SPEF2: variants seen among roughly 807,000 people sequenced by gnomAD.
SPEF2 encodes the protein sperm flagellar and cilia associated 2, also known as sperm flagella and cilia-associated protein 2.
Under a neutral mutation model 224.6 loss-of-function variants are expected in SPEF2, and 187 were observed. That is an observed-to-expected ratio of 0.83 (90% CI 0.74 to 0.94). SPEF2 has a LOEUF of 0.94. Ranked by LOEUF, SPEF2 falls within the 40% of genes least tolerant of loss-of-function variation. The pLI is 0.00. For synonymous variants in SPEF2, 715 were observed against 707.3 expected (o/e 1.01, Z -0.17); for missense variants, 2,170 against 2,135.6 (o/e 1.02, Z -0.32).
intron 20 of SPEF2, among the ~76,000 whole-genome samples, chr5:35,725,901 G>T (rs890933722): frequency 1.3e-5 from 2 of 152,086 alleles, no homozygotes; most frequent in African/African-American, 4.8e-5. Flanking sequence ...CTAATCCATA[G>T]ATTATTTTCC....
rs1747060840 is a variant in SPEF2, at chr5:35,644,453, C to T, written c.513C>T (p.Ala171=). ...ATAAACACGTGAAAGAAGATCTTGC[C>T]CATTTGCATTTTGAGAAACTTGAAA... ...EKYKHVKEDL[A]HLHFEKLERF... is the part of the protein sequence containing the mutation. Residue 171 remains alanine (A), a synonymous_variant, in exon 4 of 37, where the codon GCC becomes GCT. Transcript: ENST00000356031. 4 of 1,610,276 alleles carry T rather than the reference C, an allele frequency of 2.5e-6. No individual in the cohort carries two copies. The highest frequency in any genetic ancestry group is 1.6e-4 in the Middle Eastern group (1 of 6,068).
At chr5:35,758,939 G>A (rs940360965) in intron 24 of SPEF2, among the ~76,000 whole-genome samples, 2 of 144,720 alleles carry the variant, frequency 1.4e-5, no homozygotes, top group Non-Finnish European at 3.0e-5. Context: ...CTAGGAGGTG[G>A]AGGTTGCAAT....
intron 30 of SPEF2, among the ~76,000 whole-genome samples, chr5:35,792,067 A>G (rs952332742): frequency 2.6e-5 from 4 of 152,108 alleles, no homozygotes; most frequent in Non-Finnish European, 5.9e-5. Context: ...ACTCTAAACT[A>G]AAAAGTATAC....
intron 20 of SPEF2, among the ~76,000 whole-genome samples, chr5:35,717,708 G>A (rs1742852415): frequency 6.6e-6 from 1 of 152,110 alleles, no homozygotes; most frequent in Non-Finnish European, 1.5e-5. Context: ...CACAGGAAAA[G>A]GAGGGGCTAG....
At chr5:35,770,175 T>C (rs975292298) in intron 26 of SPEF2, among the ~76,000 whole-genome samples, 2 of 152,036 alleles carry the variant, frequency 1.3e-5, no homozygotes, top group African/African-American at 4.8e-5. Context: ...TAACTGCAAG[T>C]ACAACCCCAG....
intron 21 of SPEF2, among the ~76,000 whole-genome samples, chr5:35,739,419 G>A (rs1345761003): frequency 2.0e-5 from 3 of 152,292 alleles, no homozygotes; most frequent in South Asian, 4.1e-4. Flanking sequence ...TTTTGCTGTT[G>A]TTGCCCAGGC....
At chr5:35,776,965 G>A (rs4869631) in intron 29 of SPEF2, among the ~76,000 whole-genome samples, 12,895 of 152,128 alleles carry the variant, frequency 0.085, 684 homozygotes, top group African/African-American at 0.15. Flanking sequence ...TCAGCAGAGT[G>A]AGTCATGATT....
chr5:35,776,958 G>T (rs1753686548), intron 29 of SPEF2, among the ~76,000 whole-genome samples: 2 of 152,144 alleles, frequency 1.3e-5, no homozygotes, highest in Non-Finnish European at 2.9e-5. Flanking sequence ...AGGCAGGTCA[G>T]CAGAGTGAGT....
intron 12 of SPEF2, 38 bp downstream of exon 12, chr5:35,692,762 C>A: frequency 6.3e-7 from 1 of 1,584,394 alleles, no homozygotes; most frequent in Non-Finnish European, 8.6e-7. Flanking sequence ...GCGCCTAGTA[C>A]ATTAGAGATT....
rs1186434632 is a variant in SPEF2 at position 35,759,561 on chromosome 5, A to G, written c.3469-7A>G. ...TTGGATATTAACATTCACATTTGCT[A>G]TTAAAGGCAGAGCTGAACCGTTTCC... On this transcript the variant is annotated splice_polypyrimidine_tract_variant and splice_region_variant and intron_variant, in intron 24 of 36. Transcript: ENST00000356031. 2 of 1,569,068 alleles carry G rather than the reference A, an allele frequency of 1.3e-6. No homozygotes were observed. The highest frequency in any genetic ancestry group is 3.4e-5 in the Admixed American group (2 of 58,006).
intron 8 of SPEF2, 113 bp downstream of exon 8, chr5:35,659,320 G>C: frequency 9.3e-7 from 1 of 1,078,376 alleles, no homozygotes; most frequent in East Asian, 2.6e-5. Flanking sequence ...ATTTTCTTTT[G>C]TATGATCAAC....
At chr5:35,678,451 T>G (rs1295153330) in intron 10 of SPEF2, 1 of 152,182 alleles carries the variant, frequency 6.6e-6, no homozygotes, top group African/African-American at 2.4e-5. Context: ...AGATGTGACC[T>G]TCTCTCTAGA....
In SPEF2 at chr5:35,627,342, C is replaced by T. The variant is rs183194898; in HGVS notation, c.59-1118C>T. On this transcript the variant is annotated intron_variant, in intron 1 of 36. Coordinates refer to ENST00000356031, the MANE Select transcript of SPEF2 (RefSeq NM_024867.4). ...CTCGGCTGGGCACGGTGGCTCATGC[C>T]TGTAATCCCAGCACTTTGGGAGGCC... Among the ~76,000 whole-genome samples, 288 of 152,144 alleles carry T rather than the reference C, an allele frequency of 1.9e-3. 3 individuals are homozygous for T. Among genetic ancestry groups the T allele is most frequent in the African/African-American group, 6.5e-3 (271 of 41,508 alleles).
intron 28 of SPEF2, among the ~76,000 whole-genome samples, chr5:35,775,704 T>C (rs1170254411): frequency 2.0e-5 from 3 of 151,940 alleles, no homozygotes; most frequent in Non-Finnish European, 4.4e-5. Context: ...AAAAGTAGGA[T>C]TGAGGCTATT....
At chr5:35,758,237 C>T (rs1360747023) in intron 24 of SPEF2, among the ~76,000 whole-genome samples, 1 of 152,054 alleles carries the variant, frequency 6.6e-6, no homozygotes, top group Non-Finnish European at 1.5e-5. Flanking sequence ...TACAAAGATG[C>T]TTTCTGTAAT....
At chr5:35,644,070 G>T (rs908292291) in intron 3 of SPEF2, among the ~76,000 whole-genome samples, 15 of 151,882 alleles carry the variant, frequency 9.9e-5, no homozygotes, top group African/African-American at 2.9e-4. Flanking sequence ...TTATTTCCAA[G>T]AATATAAATA....
At chr5:35,621,437 G>A (rs1743496858) in intron 1 of SPEF2, among the ~76,000 whole-genome samples, 1 of 152,166 alleles carries the variant, frequency 6.6e-6, no homozygotes, top group Non-Finnish European at 1.5e-5. Context: ...GTAGGTCGTA[G>A]AGCTAGAATT....
chr5:35,702,567 G>A (rs980841738), intron 16 of SPEF2, among the ~76,000 whole-genome samples: 14 of 152,124 alleles, frequency 9.2e-5, no homozygotes, highest in Non-Finnish European at 1.9e-4. Context: ...GAACAGGAAG[G>A]GGCTTCTGGG....
intron 10 of SPEF2, among the ~76,000 whole-genome samples, chr5:35,690,364 C>G (rs867456270): frequency 6.6e-6 from 1 of 152,114 alleles, no homozygotes; most frequent in Non-Finnish European, 1.5e-5. Flanking sequence ...TTTGATCTGA[C>G]CCCATATTTT....
Sources: allele counts gnomAD v4.1 joint callset (sites outside exome capture counted in the v4.1 genomes callset), GRCh38; gene constraint gnomAD v4.1.1; transcripts MANE v1.5; gene names NCBI Gene and HGNC (gene_info 2026-07-23, HGNC 2026-07-21).